TSC22D1: variants seen among roughly 807,000 people sequenced by gnomAD.
TSC22D1 encodes TSC22 domain family member 1.
In TSC22D1, 9 loss-of-function variants were observed where a neutral mutation model predicts 74.2. The observed-to-expected ratio is 0.12, with a 90% CI of 0.07 to 0.21. The LOEUF is 0.21. Ranked by LOEUF, TSC22D1 falls within the 10% of genes least tolerant of loss-of-function variation. The pLI is 1.00. For synonymous variants in TSC22D1, 586 were observed against 492.5 expected (o/e 1.19, Z -2.51); for missense variants, 1,427 against 1,304.7 (o/e 1.09, Z -1.44).
At chr13:44,490,486 T>A (rs543707219) in intron 1 of TSC22D1, among the ~76,000 whole-genome samples, 1 of 151,938 alleles carries the variant, frequency 6.6e-6, no homozygotes, top group East Asian at 1.9e-4. Context: ...TAATTCTGAA[T>A]AATTAAAGAT....
rs986802582 is a variant in TSC22D1 at position 44,435,736 on chromosome 13, G to A, written c.2964+308C>T. On this transcript the variant is annotated intron_variant, in intron 2 of 2. Coordinates refer to ENST00000458659, the MANE Select transcript of TSC22D1 (RefSeq NM_183422.4). ...ATCGCTAAAGGTGTGCTCACGACCA[G>A]CCGAAGGAGATAGTTGGCCAGCGCT... 1.7e-4 allele frequency: 75 copies of A among 440,332 alleles called. No homozygotes were observed. The Middle Eastern group carries it at 2.0e-3, about 12-fold the overall frequency. The allele number at this position is 440,332 out of a possible 1,614,324, so 27.3% of individuals were successfully genotyped here.
intron 1 of TSC22D1, among the ~76,000 whole-genome samples, chr13:44,519,829 T>TG (rs1467396532): frequency 6.6e-6 from 1 of 152,096 alleles, no homozygotes; most frequent in Non-Finnish European, 1.5e-5. Flanking sequence ...GATATATGGC[T>TG]GAGATATTTC....
At chr13:44,438,319 C>T (rs546067256) in intron 1 of TSC22D1, among the ~76,000 whole-genome samples, 1 of 152,160 alleles carries the variant, frequency 6.6e-6, no homozygotes, top group Non-Finnish European at 1.5e-5. Context: ...CACGCACATG[C>T]ACAAACACAC....
At chr13:44,536,651 G>T in intron 1 of TSC22D1, 1 of 800,238 alleles carries the variant, frequency 1.2e-6, no homozygotes, top group South Asian at 5.7e-5. Context: ...GTTTTTGGAT[G>T]CTATTCTGTA....
chr13:44,524,034 T>A (rs1024822089), intron 1 of TSC22D1, among the ~76,000 whole-genome samples: 2 of 152,204 alleles, frequency 1.3e-5, no homozygotes, highest in African/African-American at 4.8e-5. Flanking sequence ...AGCATCTTAA[T>A]ATTTCCAGTG....
Position 44,461,285 on chromosome 13 carries a change from G to A in TSC22D1, c.2913-25190C>T, listed in dbSNP as rs546694399. Among the ~76,000 whole-genome samples, 13 of 152,254 alleles carry A rather than the reference G, an allele frequency of 8.5e-5. No individual in the cohort carries two copies. The South Asian group carries it at 2.5e-3, about 29-fold the overall frequency. On this transcript the variant is annotated intron_variant, in intron 1 of 2. Transcript: ENST00000458659. ...CTGGAATATGAACTCAGGTTTTTCT[G>A]ACTCAAAAATCTAACTTCTTTCCAT...
chr13:44,499,912 C>A (rs779627687), intron 1 of TSC22D1, among the ~76,000 whole-genome samples: 1 of 151,822 alleles, frequency 6.6e-6, no homozygotes, highest in Non-Finnish European at 1.5e-5. Context: ...CATGGTGAAA[C>A]CCCATCTCTA....
intron 1 of TSC22D1, among the ~76,000 whole-genome samples, chr13:44,553,722 A>T (rs1190287785): frequency 6.6e-6 from 1 of 152,188 alleles, no homozygotes; most frequent in East Asian, 1.9e-4. Flanking sequence ...CTTTTACAAC[A>T]ACTTATGTTT....
intron 1 of TSC22D1, among the ~76,000 whole-genome samples, chr13:44,534,909 C>T (rs751709989): frequency 2.3e-4 from 35 of 151,954 alleles, no homozygotes; most frequent in African/African-American, 3.9e-4. Context: ...ACTCAACTTA[C>T]CAAAGTACAG....
chr13:44,453,066 T>C (rs920933705), intron 1 of TSC22D1, among the ~76,000 whole-genome samples: 4 of 152,206 alleles, frequency 2.6e-5, no homozygotes, highest in African/African-American at 9.6e-5. Context: ...TTTCAGTAGT[T>C]AGGAATTACC....
Position 44,573,704 on chromosome 13 carries a change from C to A in TSC22D1, c.2371G>T (p.Ala791Ser). The change falls in exon 1 of 3, where the codon GCA (alanine) becomes TCA (serine). Residue 791 changes from alanine (A) to serine (S), a missense_variant. Transcript: ENST00000458659. ...ACAGTTAACAAGGAACTTTGGGATG[C>A]AATAACCAATTGTTGAGGAAGGCTT... is the stretch of plus-strand genomic sequence containing the variant. ...APSLPQQLVI[A>S]SQSSLLTVPP... 6.2e-7 allele frequency: 1 copy of A among 1,614,162 alleles called. No individual in the cohort carries two copies. Among genetic ancestry groups the A allele is most frequent in the Non-Finnish European group, 8.5e-7 (1 of 1,180,032 alleles).
intron 1 of TSC22D1, among the ~76,000 whole-genome samples, chr13:44,464,343 C>T (rs1486928151): frequency 6.6e-6 from 1 of 152,146 alleles, no homozygotes; most frequent in Non-Finnish European, 1.5e-5. Flanking sequence ...ATTACTCCCA[C>T]CATTTTCTTT....
At chr13:44,530,836 A>G (rs571518318) in intron 1 of TSC22D1, among the ~76,000 whole-genome samples, 2 of 152,310 alleles carry the variant, frequency 1.3e-5, no homozygotes, top group South Asian at 2.1e-4. Context: ...CAACCAAATG[A>G]TAACATCAAA....
At chr13:44,549,790 A>G (rs569989503) in intron 1 of TSC22D1, among the ~76,000 whole-genome samples, 238 of 151,698 alleles carry the variant, frequency 1.6e-3, no homozygotes, top group African/African-American at 5.5e-3. Flanking sequence ...AAAAAAAAAA[A>G]AAAGAAGAAG....
At chr13:44,445,782 T>C (rs9533852) in intron 1 of TSC22D1, among the ~76,000 whole-genome samples, 16,775 of 152,214 alleles carry the variant, frequency 0.11, 974 homozygotes, top group African/African-American at 0.14. Flanking sequence ...TGCTGAATGC[T>C]ATTAATTGTT....
intron 1 of TSC22D1, among the ~76,000 whole-genome samples, chr13:44,527,178 T>C (rs956589325): frequency 3.3e-5 from 5 of 151,078 alleles, no homozygotes; most frequent in Admixed American, 1.3e-4. Context: ...TTGAAAAAAA[T>C]GTTAAAAGTT....
chr13:44,478,352 T>C (rs936341703), intron 1 of TSC22D1, among the ~76,000 whole-genome samples: 1 of 152,168 alleles, frequency 6.6e-6, no homozygotes, highest in Non-Finnish European at 1.5e-5. Context: ...CCTCATGTAA[T>C]CCTCATGATA....
At position 44,517,081 on chromosome 13, in the gene TSC22D1, T is replaced by C. The variant is rs1013806165; in HGVS notation, c.2912+56082A>G. On this transcript the variant is annotated intron_variant, in intron 1 of 2. Coordinates refer to ENST00000458659, the MANE Select transcript of TSC22D1 (RefSeq NM_183422.4). ...TCAATGAAAGGTTTACACAGAGATA[T>C]ACACGTGTGTGTTTGTGTGTATACA... Among the ~76,000 whole-genome samples, 4 of 152,222 alleles carry C rather than the reference T, an allele frequency of 2.6e-5. No individual in the cohort carries two copies. In the South Asian group the frequency reaches 8.3e-4, roughly 31 times the overall value.
chr13:44,440,686 C>T (rs2138867733), intron 1 of TSC22D1, among the ~76,000 whole-genome samples: 1 of 148,638 alleles, frequency 6.7e-6, no homozygotes, highest in South Asian at 2.1e-4. Context: ...GGAGAGAGAA[C>T]AGAAGGAAGA....
Sources: gnomAD v4.1 joint callset for allele counts (sites outside exome capture counted in the v4.1 genomes callset) on GRCh38, gnomAD v4.1.1 for gene constraint, MANE v1.5 for transcripts, NCBI Gene and HGNC (gene_info 2026-07-23, HGNC 2026-07-21) for gene names.